Variants in XPR1 observed in about 807,000 individuals in gnomAD.
The protein encoded by XPR1 is xenotropic and polytropic retrovirus receptor 1.
Under a neutral mutation model 87.5 loss-of-function variants are expected in XPR1, and 28 were observed. The ratio of observed to expected loss-of-function variants is 0.32; its 90% CI spans 0.24 to 0.44. XPR1 has a LOEUF of 0.44. Ranked by LOEUF, XPR1 falls within the 20% of genes least tolerant of loss-of-function variation. XPR1 has a pLI of 1.00. For synonymous variants in XPR1, 300 were observed against 306.1 expected (o/e 0.98, Z 0.21); for missense variants, 559 against 862.3 (o/e 0.65, Z 4.41).
intron 6 of XPR1, among the ~76,000 whole-genome samples, chr1:180,810,260 G>T (rs568140025): frequency 6.6e-6 from 1 of 152,068 alleles, no homozygotes; most frequent in Non-Finnish European, 1.5e-5. Context: ...AGAACCTCTC[G>T]TATATCCTGA....
intron 2 of XPR1, among the ~76,000 whole-genome samples, chr1:180,683,776 G>A (rs1656668988): frequency 6.6e-6 from 1 of 151,526 alleles, no homozygotes; most frequent in Non-Finnish European, 1.5e-5. Flanking sequence ...TTTGAGAAGT[G>A]TCTGTTCATA....
chr1:180,707,819 A>G (rs537440588), intron 2 of XPR1, among the ~76,000 whole-genome samples: 1 of 152,322 alleles, frequency 6.6e-6, no homozygotes, highest in Non-Finnish European at 1.5e-5. Context: ...GAGACCTTTC[A>G]GGGTCCTGAT....
chr1:180,644,854 A>G (rs984524507), intron 1 of XPR1, among the ~76,000 whole-genome samples: 3 of 151,954 alleles, frequency 2.0e-5, no homozygotes, highest in Admixed American at 2.0e-4. Context: ...AGAACTCAAC[A>G]TAATGTAGAA....
chr1:180,729,497 T>C (rs1376315009), intron 2 of XPR1, among the ~76,000 whole-genome samples: 1 of 152,230 alleles, frequency 6.6e-6, no homozygotes, highest in Non-Finnish European at 1.5e-5. Context: ...TCCACAATAG[T>C]TGAACTAATC....
At chr1:180,830,262 T>G (rs1651009477) in intron 9 of XPR1, among the ~76,000 whole-genome samples, 1 of 152,184 alleles carries the variant, frequency 6.6e-6, no homozygotes, top group East Asian at 1.9e-4. Context: ...CGCTTATGGT[T>G]GCAAATGGTA....
At chr1:180,872,450 T>TG in intron 12 of XPR1, among the ~76,000 whole-genome samples, 1 of 18,600 alleles carries the variant, frequency 5.4e-5, no homozygotes, top group South Asian at 1.1e-3. Context: ...CTCAGACTGC[T>TG]GTGCTAGCAA....
chr1:180,876,263 A>G (rs1238594758), intron 13 of XPR1, among the ~76,000 whole-genome samples: 1 of 152,264 alleles, frequency 6.6e-6, no homozygotes, highest in Non-Finnish European at 1.5e-5. Context: ...TGAATGAAAT[A>G]TTAGCATATG....
chr1:180,718,668 T>TA (rs1658078205), intron 2 of XPR1, among the ~76,000 whole-genome samples: 1 of 129,838 alleles, frequency 7.7e-6, no homozygotes, highest in African/African-American at 2.8e-5. Flanking sequence ...TGAGCATCTG[T>TA]ATTTTTTTTT....
chr1:180,708,894 GTT>G (rs1264196151), intron 2 of XPR1, among the ~76,000 whole-genome samples: 7 of 84,002 alleles, frequency 8.3e-5, no homozygotes, highest in African/African-American at 2.6e-4. Context: ...AGCATGTAAA[GTT>G]TTTTTTTTTT....
intron 2 of XPR1, among the ~76,000 whole-genome samples, chr1:180,742,666 ACTT>A (rs1333470944): frequency 6.6e-6 from 1 of 151,960 alleles, no homozygotes; most frequent in Non-Finnish European, 1.5e-5. Context: ...ATTGATGTTC[ACTT>A]CTTCTATATT....
At chr1:180,633,964 A>G (rs984658316) in intron 1 of XPR1, among the ~76,000 whole-genome samples, 22 of 152,194 alleles carry the variant, frequency 1.4e-4, no homozygotes, top group Non-Finnish European at 3.1e-4. Flanking sequence ...GCCATGATTC[A>G]TTTTAGGTAT....
chr1:180,755,605 T>G (rs1052635112), intron 2 of XPR1, among the ~76,000 whole-genome samples: 28 of 152,214 alleles, frequency 1.8e-4, no homozygotes, highest in African/African-American at 6.8e-4. Flanking sequence ...AAAACCCTTC[T>G]GACACCCACT....
chr1:180,831,861 G>C (rs1277714060), intron 9 of XPR1, among the ~76,000 whole-genome samples: 2 of 152,152 alleles, frequency 1.3e-5, no homozygotes, highest in Non-Finnish European at 2.9e-5. Flanking sequence ...AAACATACAT[G>C]TGCATGTGTC....
chr1:180,806,136 T>A lies in XPR1; in HGVS notation c.522T>A (p.Asp174Glu), dbSNP rs1167836805. Residue 174 changes from aspartate to glutamate, a missense_variant, in exon 5 of 15, where the codon GAT becomes GAA. Coordinates refer to ENST00000367590, the MANE Select transcript of XPR1 (RefSeq NM_004736.4). The stretch of plus-strand genomic sequence containing the variant: ...TCCTGGAAACATCTCGTGGAGCAGA[T>A]TGGCGAGTGGCTCACGTAGAGGTGG... ...DKILETSRGA[D>E]WRVAHVEVAP... is the part of the protein sequence containing the mutation. 4 of 1,613,782 alleles carry A rather than the reference T, an allele frequency of 2.5e-6. No individual in the cohort carries two copies. In the African/African-American group the frequency reaches 4.0e-5, roughly 16 times the overall value.
chr1:180,847,189 C>G (rs1249785043), intron 11 of XPR1, among the ~76,000 whole-genome samples: 1 of 152,156 alleles, frequency 6.6e-6, no homozygotes, highest in Non-Finnish European at 1.5e-5. Flanking sequence ...GGCAGAAACT[C>G]TAAGATCTGT....
In XPR1 at chr1:180,854,174, A is replaced by G. The variant is rs147782658; in HGVS notation, c.1502-9534A>G. ...CTTTTTCACATTCAACTTATTAACA[A>G]AAGACCATGAGATTGGCAGAGGAAG... On this transcript the variant is annotated intron_variant, in intron 11 of 14. Coordinates refer to ENST00000367590, the MANE Select transcript of XPR1 (RefSeq NM_004736.4). Among the ~76,000 whole-genome samples the G allele has an allele frequency of 1.5e-3, 234 of 152,360 alleles. 3 individuals carry two copies. The highest frequency in any genetic ancestry group is 0.014 in the East Asian group (75 of 5,184).
intron 2 of XPR1, among the ~76,000 whole-genome samples, chr1:180,712,230 C>T (rs1571754750): frequency 6.6e-6 from 1 of 152,106 alleles, no homozygotes; most frequent in Non-Finnish European, 1.5e-5. Context: ...ATAAGTGTTA[C>T]TTGAACACAA....
chr1:180,766,521 T>C (rs1010980370), intron 2 of XPR1, among the ~76,000 whole-genome samples: 8 of 152,138 alleles, frequency 5.3e-5, no homozygotes, highest in African/African-American at 1.9e-4. Flanking sequence ...AGGGAAGAAA[T>C]ATAATTTCAA....
At chr1:180,653,993 C>T (rs1027910472) in intron 1 of XPR1, among the ~76,000 whole-genome samples, 4 of 152,100 alleles carry the variant, frequency 2.6e-5, no homozygotes, top group South Asian at 2.1e-4. Flanking sequence ...AGCGAAACCT[C>T]GGATAAGGGG....
Sources: allele counts gnomAD v4.1 joint callset (sites outside exome capture counted in the v4.1 genomes callset), GRCh38; gene constraint gnomAD v4.1.1; transcripts MANE v1.5; gene names NCBI Gene and HGNC (gene_info 2026-07-23, HGNC 2026-07-21).